Variants in TIAM1 observed in about 807,000 individuals in gnomAD.
TIAM1 encodes the protein rho guanine nucleotide exchange factor TIAM1.
TIAM1 carries 65 observed loss-of-function variants against 163.5 expected under a neutral mutation model. That is an observed-to-expected ratio of 0.40 (90% CI 0.33 to 0.49). The LOEUF is 0.49. TIAM1 is among the 20% of genes least tolerant of loss of function. TIAM1 has a pLI of 0.77. For synonymous variants in TIAM1, 833 were observed against 810.1 expected, an observed-to-expected ratio of 1.03 and a Z score of -0.48; for missense variants, 1,789 against 2,044.7, an observed-to-expected ratio of 0.87 and a Z score of 2.41.
At chr21:31,323,332 T>C (rs1399764370) in intron 2 of TIAM1, among the ~76,000 whole-genome samples, 1 of 149,116 alleles carries the variant, frequency 6.7e-6, no homozygotes, top group African/African-American at 2.5e-5. Flanking sequence ...ATAAAAAAAG[T>C]GGTGCTAAAC....
intron 2 of TIAM1, among the ~76,000 whole-genome samples, chr21:31,377,087 C>T (rs535825593): frequency 1.2e-3 from 155 of 132,844 alleles, no homozygotes; most frequent in Non-Finnish European, 1.9e-3. Flanking sequence ...CCATGTTGGG[C>T]AAGCTGGTCT....
chr21:31,358,486 C>T (rs918023972), intron 2 of TIAM1, among the ~76,000 whole-genome samples: 6 of 152,122 alleles, frequency 3.9e-5, no homozygotes, highest in East Asian at 1.9e-4. Context: ...AATCGAATAC[C>T]GCACTGTGCA....
At chr21:31,298,144 C>CCCAGGTGTCATGAGAACCCAGGTTAAG (rs2074362950) in intron 2 of TIAM1, among the ~76,000 whole-genome samples, 2 of 152,178 alleles carry the variant, frequency 1.3e-5, no homozygotes, top group East Asian at 3.9e-4. Context: ...GTCATGAGAA[C>CCCAGGTGTCATGAGAACCCAGGTTAAG]CCAGGTGGGC....
chr21:31,202,876 A>G, intron 12 of TIAM1, 32 bp downstream of exon 12: 1 of 1,571,144 alleles, frequency 6.4e-7, no homozygotes, highest in Non-Finnish European at 8.8e-7. Flanking sequence ...AATCTCCCAT[A>G]AAGTGTGCTT....
At chr21:31,213,866 C>CAAAAAAAAAAAAAAAAAAAA (rs35524539) in intron 9 of TIAM1, among the ~76,000 whole-genome samples, 20 of 54,844 alleles carry the variant, frequency 3.6e-4, no homozygotes, top group African/African-American at 1.2e-3. Flanking sequence ...CTCATCTCTA[C>CAAAAAAAAAAAAAAAAAAAA]AAAAAAAAAA....
At chr21:31,368,793 G>A (rs9984499) in intron 2 of TIAM1, among the ~76,000 whole-genome samples, 23,704 of 152,094 alleles carry the variant, frequency 0.16, 2,090 homozygotes, top group South Asian at 0.26. Flanking sequence ...AAATACAAGC[G>A]TCTAGACTCT....
At chr21:31,267,729 G>A (rs756767139) in intron 3 of TIAM1, among the ~76,000 whole-genome samples, 34 of 151,598 alleles carry the variant, frequency 2.2e-4, no homozygotes, top group Non-Finnish European at 4.6e-4. Flanking sequence ...GTGGGGATGG[G>A]CAAAACAAAA....
At chr21:31,355,675 C>CTGAGTA (rs2076305805) in intron 2 of TIAM1, among the ~76,000 whole-genome samples, 1 of 152,078 alleles carries the variant, frequency 6.6e-6, no homozygotes, top group Non-Finnish European at 1.5e-5. Flanking sequence ...CCTCCGCCTC[C>CTGAGTA]TGAGTAGCTG....
intron 2 of TIAM1, among the ~76,000 whole-genome samples, chr21:31,361,787 T>C (rs2076409309): frequency 6.6e-6 from 1 of 151,976 alleles, no homozygotes; most frequent in Admixed American, 6.6e-5. Flanking sequence ...CTTCCAACTA[T>C]TAAACTAATA....
At chr21:31,171,491 A>G (rs73899671) in intron 15 of TIAM1, among the ~76,000 whole-genome samples, 2,193 of 152,356 alleles carry the variant, frequency 0.014, 47 homozygotes, top group African/African-American at 0.049. Context: ...CATCTAAAAT[A>G]TAAAAGAACT....
chr21:31,523,030 G>A (rs188735901), intron 1 of TIAM1, among the ~76,000 whole-genome samples: 31 of 152,180 alleles, frequency 2.0e-4, no homozygotes, highest in South Asian at 4.2e-4. Flanking sequence ...CATCATTCAC[G>A]GATTTCAACA....
chr21:31,132,839 T>C (rs2146242759), intron 23 of TIAM1, among the ~76,000 whole-genome samples: 1 of 152,360 alleles, frequency 6.6e-6, no homozygotes, highest in African/African-American at 2.4e-5. Flanking sequence ...GCATCCACTC[T>C]GTGCCCCAAA....
chr21:31,132,803 A>G (rs2833291), intron 23 of TIAM1, among the ~76,000 whole-genome samples: 17,060 of 151,842 alleles, frequency 0.11, 1,120 homozygotes, highest in African/African-American at 0.18. Context: ...GATCTCCAAA[A>G]CTCATGCTAC....
intron 1 of TIAM1, among the ~76,000 whole-genome samples, chr21:31,481,962 C>T (rs970663392): frequency 1.5e-4 from 23 of 151,824 alleles, no homozygotes; most frequent in African/African-American, 5.3e-4. Context: ...GCCCTCATCC[C>T]GAAGCTATCA....
intron 1 of TIAM1, among the ~76,000 whole-genome samples, chr21:31,486,491 G>A (rs73343474): frequency 0.035 from 5,395 of 152,346 alleles, 318 homozygotes; most frequent in African/African-American, 0.12. Flanking sequence ...CCCTCCTTGG[G>A]CAGCAAGATT....
rs755462320 is a variant in TIAM1 at position 31,252,130 on chromosome 21, G to C, written c.1023C>G (p.Thr341=). Residue 341 remains threonine (T), a synonymous_variant, in exon 5 of 28, where the codon ACC becomes ACG. Coordinates refer to ENST00000541036, the MANE Select transcript of TIAM1 (RefSeq NM_001353694.2). The part of the protein sequence containing the change: ...FADSGIEGAT[T]DTDLLSRRSN... ...ATCGCCTGGACAGGAGGTCCGTGTC[G>C]GTAGTGGCCCCTTCAATCCCACTGT... The C allele has an allele frequency of 1.6e-5, 26 of 1,612,454 alleles. No individual in the cohort carries two copies. The East Asian group carries it at 5.1e-4, about 32-fold the overall frequency.
intron 1 of TIAM1, among the ~76,000 whole-genome samples, chr21:31,496,795 T>G (rs984704551): frequency 6.6e-6 from 1 of 152,060 alleles, no homozygotes; most frequent in African/African-American, 2.4e-5. Flanking sequence ...GCACTTTTTC[T>G]CTTTCATTCT....
intron 2 of TIAM1, among the ~76,000 whole-genome samples, chr21:31,448,792 G>A (rs1237635926): frequency 6.6e-6 from 1 of 152,014 alleles, no homozygotes; most frequent in Non-Finnish European, 1.5e-5. Flanking sequence ...AGACAGGATG[G>A]CAAATCCTCA....
At chr21:31,192,047 T>A (rs2085587333) in intron 13 of TIAM1, among the ~76,000 whole-genome samples, 2 of 152,216 alleles carry the variant, frequency 1.3e-5, no homozygotes, top group Non-Finnish European at 2.9e-5. Flanking sequence ...TGAGGTCGGC[T>A]TTTTGCTGCA....
Sources: allele counts gnomAD v4.1 joint callset (sites outside exome capture counted in the v4.1 genomes callset), GRCh38; gene constraint gnomAD v4.1.1; transcripts MANE v1.5; gene names NCBI Gene and HGNC (gene_info 2026-07-23, HGNC 2026-07-21).